Variants in SPINK14 observed in about 807,000 individuals in gnomAD.
SPINK14 encodes the protein serine protease inhibitor Kazal-type 14.
A neutral mutation model predicts 14.2 loss-of-function variants in SPINK14; 6 were observed. That is an observed-to-expected ratio of 0.42 (90% CI 0.23 to 0.83). The LOEUF (loss-of-function observed/expected upper bound fraction) is 0.83. SPINK14 is among the 40% of genes least tolerant of loss of function. The pLI is 0.28. For synonymous variants in SPINK14, 34 were observed against 36.8 expected (o/e 0.92, Z 0.27); for missense variants, 86 against 108.3 (o/e 0.79, Z 0.91).
rs1426298364 is a variant in SPINK14 at position 148,175,155 on chromosome 5, G to T, written c.249-198G>T. 3.3e-4 allele frequency among the ~76,000 whole-genome samples: 12 copies of T among 36,270 alleles called. 5 individuals are homozygous for T. The highest frequency in any genetic ancestry group is 7.4e-4 in the Non-Finnish European group (12 of 16,244). The allele number at this position is 36,270 out of a possible 152,430, so 23.8% of individuals were successfully genotyped here. Reference sequence around the variant, plus strand: ...AGCATGTCTCATAATATCTCCAGTGGCATCTTAGAATCAAGGAATGATAAC... The same window carrying T: ...AGCATGTCTCATAATATCTCCAGTGTCATCTTAGAATCAAGGAATGATAAC... On this transcript the variant is annotated intron_variant, in intron 4 of 4. Transcript: ENST00000356972.
chr5:148,173,882 G>T (rs1378599269), intron 3 of SPINK14, among the ~76,000 whole-genome samples: 1 of 83,006 alleles, frequency 1.2e-5, no homozygotes, highest in Non-Finnish European at 2.5e-5. Flanking sequence ...TTTTAGGTGG[G>T]GTCTTACTGT....
chr5:148,175,604 C>T lies in SPINK14; in HGVS notation c.*206C>T, dbSNP rs1423794070. 6.6e-6 allele frequency among the ~76,000 whole-genome samples: 1 copy of T among 152,010 alleles called. No individual in the cohort carries two copies. Among genetic ancestry groups the T allele is most frequent in the African/African-American group, 2.4e-5 (1 of 41,392 alleles). ...CCTTCCATAGTCTCCCTAATAAATACACTTTTATGAAAGTCTGATTTGACT... is the reference window on the plus strand; with the variant it reads ...CCTTCCATAGTCTCCCTAATAAATATACTTTTATGAAAGTCTGATTTGACT... On this transcript the variant is annotated 3_prime_UTR_variant, in exon 5 of 5. Coordinates refer to ENST00000356972, the MANE Select transcript of SPINK14 (RefSeq NM_001001325.2).
chr5:148,174,506 C>A, intron 4 of SPINK14, 136 bp downstream of exon 4: 1 of 499,144 alleles, frequency 2.0e-6, no homozygotes, highest in East Asian at 3.5e-5. Flanking sequence ...AATCAGCACC[C>A]ACTCAGAAAA....
chr5:148,170,201 T>TAC (rs1290585659), intron 2 of SPINK14, among the ~76,000 whole-genome samples: 48 of 94,218 alleles, frequency 5.1e-4, no homozygotes, highest in African/African-American at 1.8e-3. Flanking sequence ...CACACATACA[T>TAC]ATATATATAT....
At chr5:148,173,271 A>T (rs1413301628) in intron 3 of SPINK14, among the ~76,000 whole-genome samples, 1 of 152,094 alleles carries the variant, frequency 6.6e-6, no homozygotes, top group Non-Finnish European at 1.5e-5. Flanking sequence ...TGAGAACACT[A>T]GCCTCAAGCT....
chr5:148,170,932 T>G lies in SPINK14; in HGVS notation c.70T>G (p.Ser24Ala), dbSNP rs1163786915. Residue 24 changes from serine to alanine, a missense_variant and splice_region_variant, in exon 3 of 5, where the codon TCA (serine) becomes GCA (alanine). By Grantham distance (99) the Ser-to-Ala change is moderately conservative. Coordinates refer to ENST00000356972, the MANE Select transcript of SPINK14 (RefSeq NM_001001325.2). ...ILIHLVLSSV[S>A]GPRHWWPPRG... ...AACTATTTTCATGTATTCTCTAGTT[T>G]CAGGCCCTAGACACTGGTGGCCACC... is the stretch of plus-strand genomic sequence containing the variant. 6.2e-7 allele frequency: 1 copy of G among 1,611,634 alleles called. No homozygotes were observed. Among genetic ancestry groups the G allele is most frequent in the Non-Finnish European group, 8.5e-7 (1 of 1,178,216 alleles).
In SPINK14 at chr5:148,174,404, A is replaced by T; in HGVS notation, c.248+34A>T. On this transcript the variant is annotated intron_variant, in intron 4 of 4. Transcript: ENST00000356972. ...TATTTGGGGAAAAGAGGGGAACTGT[A>T]AGTATGGTTATCCACAGCAATTACC... 2 of 1,064,956 alleles carry T rather than the reference A, an allele frequency of 1.9e-6. 1 individual carries two copies. Among genetic ancestry groups the T allele is most frequent in the Non-Finnish European group, 2.6e-6 (2 of 770,286 alleles). The allele number at this position is 1,064,956 out of a possible 1,614,324, so 66.0% of individuals were successfully genotyped here.
intron 2 of SPINK14, 52 bp from the exon 3 acceptor site, chr5:148,170,878 G>A: frequency 6.7e-7 from 1 of 1,496,388 alleles, no homozygotes; most frequent in Non-Finnish European, 9.3e-7. Context: ...AACAGATTAA[G>A]CTATGATTTA....
rs377765720 is a variant in SPINK14 at position 148,174,317 on chromosome 5, C to A, written c.195C>A (p.Cys65Ter). 33 of 1,113,194 alleles carry A rather than the reference C, an allele frequency of 3.0e-5. 12 individuals carry two copies. The highest frequency in any genetic ancestry group is 3.7e-5 in the Non-Finnish European group (30 of 810,280). 69.0% of individuals were successfully genotyped at this position (1,113,194 alleles called of 1,614,324 possible). A position where few individuals can be genotyped will look rare whatever the true frequency, so the allele number is the denominator to read the frequency against. ...NPCPGLYQPI[C>*]GTNFITYDNP... ...GCCCTGGCTTATATCAACCCATCTG[C>A]GGCACCAATTTTATAACCTATGATA... Residue 65 changes from cysteine to a stop codon, truncating the protein, a stop_gained, in exon 4 of 5, where the codon TGC (cysteine) becomes TGA (stop). Transcript: ENST00000356972. LOFTEE classifies it high-confidence loss of function.
intron 2 of SPINK14, among the ~76,000 whole-genome samples, chr5:148,170,173 T>G (rs13171863): frequency 7.5e-6 from 1 of 133,848 alleles, no homozygotes; most frequent in Admixed American, 7.7e-5. Context: ...TATATATATA[T>G]ACACACACAC....
In SPINK14 at chr5:148,169,296, A is replaced by G. The variant is rs556753720; in HGVS notation, c.-72-365A>G. Among the ~76,000 whole-genome samples the G allele has an allele frequency of 2.0e-5, 3 of 151,424 alleles. No individual in the cohort carries two copies. The East Asian group carries it at 5.8e-4, about 29-fold the overall frequency. On this transcript the variant is annotated intron_variant, in intron 1 of 4. Transcript: ENST00000356972. ...TACAGATCCACTCCACTTATTGAGAAGTTCATGTTGTCTAGGGACCTCAAT... is the reference window on the plus strand; with the variant it reads ...TACAGATCCACTCCACTTATTGAGAGGTTCATGTTGTCTAGGGACCTCAAT...
intron 3 of SPINK14, 98 bp downstream of exon 3, chr5:148,171,071 C>A: frequency 8.9e-7 from 1 of 1,123,076 alleles, no homozygotes; most frequent in Non-Finnish European, 1.3e-6. Flanking sequence ...TCAAGGTCAC[C>A]CGTAATAGTC....
chr5:148,171,020 G>T, intron 3 of SPINK14, 47 bp downstream of exon 3: 1 of 1,568,650 alleles, frequency 6.4e-7, no homozygotes. Flanking sequence ...TATAATATGA[G>T]TTCTTTTTTT....
Position 148,173,854 on chromosome 5 carries a change from GAT to G in SPINK14, c.112-379_112-378del, listed in dbSNP as rs1755137469. Among the ~76,000 whole-genome samples, 3 of 81,844 alleles carry G rather than the reference GAT, an allele frequency of 3.7e-5. 1 individual carries two copies. Among genetic ancestry groups the G allele is most frequent in the African/African-American group, 1.8e-4 (3 of 16,472 alleles). The allele number at this position is 81,844 out of a possible 152,430, so 53.7% of individuals were successfully genotyped here. The stretch of plus-strand genomic sequence containing the variant: ...TGGAATATTGTCTTGACTATGCTTA[GAT>G]TTTTTTTTTTTTTTTTTTTAGGTGG... On this transcript the variant is annotated intron_variant, in intron 3 of 4. Transcript: ENST00000356972.
intron 3 of SPINK14, 47 bp from the exon 4 acceptor site, chr5:148,174,187 G>A: frequency 9.5e-7 from 1 of 1,053,374 alleles, no homozygotes; most frequent in Non-Finnish European, 1.3e-6. Flanking sequence ...TGACCTACCT[G>A]TCTAAGTGGG....
intron 3 of SPINK14, among the ~76,000 whole-genome samples, chr5:148,173,173 T>C (rs1353992304): frequency 6.7e-6 from 1 of 149,482 alleles, no homozygotes; most frequent in Non-Finnish European, 1.5e-5. Flanking sequence ...CATGACCCCC[T>C]TCTTTCCAAA....
intron 1 of SPINK14, 62 bp from the exon 2 acceptor site, chr5:148,169,599 G>A (rs1755073702): frequency 3.3e-6 from 2 of 613,002 alleles, no homozygotes; most frequent in Admixed American, 6.0e-5. Context: ...GATACAATGG[G>A]TGGAGTAGAG....
At chr5:148,168,729 C>T (rs1755062807) in intron 1 of SPINK14, among the ~76,000 whole-genome samples, 162 bp downstream of exon 1, 1 of 152,126 alleles carries the variant, frequency 6.6e-6, no homozygotes, top group Admixed American at 6.5e-5. Context: ...CATGGTGTCC[C>T]AGATTGTGCC....
At chr5:148,171,130 C>G (rs971904646) in intron 3 of SPINK14, among the ~76,000 whole-genome samples, 157 bp downstream of exon 3, 3 of 152,022 alleles carry the variant, frequency 2.0e-5, no homozygotes, top group African/African-American at 7.2e-5. Flanking sequence ...TGAAACAGTA[C>G]CCCAGAGTAG....
Sources: gnomAD v4.1 joint callset for allele counts (sites outside exome capture counted in the v4.1 genomes callset) on GRCh38, gnomAD v4.1.1 for gene constraint, MANE v1.5 for transcripts, NCBI Gene and HGNC (gene_info 2026-07-23, HGNC 2026-07-21) for gene names.